The following NEK11 variants were observed in gnomAD, a reference collection of about 807,000 sequenced individuals.
NEK11 encodes serine/threonine-protein kinase Nek11.
A neutral mutation model predicts 80.7 loss-of-function variants in NEK11; 72 were observed. The ratio of observed to expected loss-of-function variants is 0.89; its 90% CI spans 0.74 to 1.08. NEK11 has a LOEUF of 1.08. NEK11 is among the 50% of genes least tolerant of loss of function. The probability of loss-of-function intolerance (pLI) is 0.00; values close to 1 mark genes in which losing one functional copy is unlikely to be tolerated. For synonymous variants in NEK11, 251 were observed against 260.7 expected, an observed-to-expected ratio of 0.96 and a Z score of 0.36; for missense variants, 764 against 763.6, an observed-to-expected ratio of 1.00 and a Z score of -0.01.
intron 14 of NEK11, chr3:131,174,848 C>G: frequency 6.3e-7 from 1 of 1,583,670 alleles, no homozygotes; most frequent in Non-Finnish European, 8.6e-7. Flanking sequence ...CTACAAGGAG[C>G]ATGACTCCCT....
At chr3:131,155,257 A>C (rs769114372) in intron 10 of NEK11, 136 bp downstream of exon 10, 11 of 617,688 alleles carry the variant, frequency 1.8e-5, no homozygotes, top group Admixed American at 5.8e-5. Context: ...GAAATTAAGG[A>C]GCTTCAGGAA....
rs371867979 is a variant in NEK11, at chr3:131,257,949, G to GTA, written c.1621+14466_1621+14467dup. ...TCAACCAATGAGTAAAGAAAATGTG[G>GTA]TATATATATATATACACCATGGAAC... On this transcript the variant is annotated intron_variant, in intron 16 of 17. Transcript: ENST00000383366. Among the ~76,000 whole-genome samples, 381 of 150,730 alleles carry GTA rather than the reference G, an allele frequency of 2.5e-3. 2 individuals carry two copies. Among genetic ancestry groups the GTA allele is most frequent in the Admixed American group, 5.5e-3 (83 of 15,078 alleles).
At chr3:131,116,823 G>T (rs1481053446) in intron 5 of NEK11, among the ~76,000 whole-genome samples, 2 of 152,130 alleles carry the variant, frequency 1.3e-5, no homozygotes, top group East Asian at 3.9e-4. Context: ...TGATGGGGTT[G>T]TTTGATTTTT....
chr3:131,332,291 G>A (rs896526101), intron 17 of NEK11, among the ~76,000 whole-genome samples: 22 of 152,370 alleles, frequency 1.4e-4, no homozygotes, highest in Admixed American at 3.9e-4. Context: ...CGATCAGACA[G>A]CAGCATTCGT....
chr3:131,176,096 A>G (rs1339599704), intron 14 of NEK11, among the ~76,000 whole-genome samples: 1 of 152,132 alleles, frequency 6.6e-6, no homozygotes, highest in African/African-American at 2.4e-5. Flanking sequence ...CTCTCTCTTC[A>G]GTCTTTATAG....
In NEK11 at chr3:131,162,610, A is replaced by G. The variant is rs2091764084; in HGVS notation, c.1082+83A>G. On this transcript the variant is annotated intron_variant, in intron 11 of 17. Coordinates refer to ENST00000383366, the MANE Select transcript of NEK11 (RefSeq NM_024800.5). ...GAATTTACAGAGAAAAGCAAAAACC[A>G]AAACAGGAAACCCCAATGCATACGA... is the stretch of plus-strand genomic sequence containing the variant. The G allele has an allele frequency of 3.9e-6, 6 of 1,532,000 alleles. No individual in the cohort carries two copies. The South Asian group carries it at 6.0e-5, about 15-fold the overall frequency. The allele number at this position is 1,532,000 out of a possible 1,614,324, so 94.9% of individuals were successfully genotyped here.
intron 15 of NEK11, among the ~76,000 whole-genome samples, chr3:131,238,505 G>A (rs1403464829): frequency 6.6e-6 from 1 of 152,190 alleles, no homozygotes; most frequent in Non-Finnish European, 1.5e-5. Flanking sequence ...AAAGAAGTAA[G>A]AGCAACTAGA....
At chr3:131,338,119 G>A (rs1016113709) in intron 17 of NEK11, among the ~76,000 whole-genome samples, 11 of 151,748 alleles carry the variant, frequency 7.2e-5, no homozygotes, top group African/African-American at 1.7e-4. Flanking sequence ...GGCACACGCC[G>A]CCATGCCCGG....
intron 17 of NEK11, chr3:131,328,763 C>G (rs1285726090): frequency 6.6e-6 from 1 of 152,210 alleles, no homozygotes; most frequent in Non-Finnish European, 1.5e-5. Flanking sequence ...ACATGTTAAA[C>G]GTTTTCTGCT....
intron 14 of NEK11, among the ~76,000 whole-genome samples, chr3:131,197,680 CA>C (rs1043981101): frequency 6.6e-6 from 1 of 151,952 alleles, no homozygotes; most frequent in African/African-American, 2.4e-5. Flanking sequence ...TAGCTGCAGG[CA>C]AAATATTTTT....
intron 2 of NEK11, among the ~76,000 whole-genome samples, chr3:131,028,706 C>G (rs530472046): frequency 2.6e-5 from 4 of 152,148 alleles, no homozygotes; most frequent in Non-Finnish European, 4.4e-5. Context: ...GGACTGCAGG[C>G]GCCCGCTACA....
chr3:131,117,975 T>C (rs1265463362), intron 5 of NEK11, among the ~76,000 whole-genome samples: 1 of 152,166 alleles, frequency 6.6e-6, no homozygotes, highest in Non-Finnish European at 1.5e-5. Flanking sequence ...TTCTTTCTCC[T>C]GCCTGATTCC....
chr3:131,316,446 A>C (rs1257088441), intron 17 of NEK11, among the ~76,000 whole-genome samples: 1 of 152,230 alleles, frequency 6.6e-6, no homozygotes, highest in Non-Finnish European at 1.5e-5. Flanking sequence ...CATCCTAGGC[A>C]TGACACAGAA....
intron 6 of NEK11, among the ~76,000 whole-genome samples, chr3:131,133,060 A>G (rs1475949821): frequency 6.6e-6 from 1 of 152,170 alleles, no homozygotes. Flanking sequence ...AATTTACCAC[A>G]TATTTGATAG....
At position 131,091,566 on chromosome 3, in the gene NEK11, T is replaced by C. The variant is rs922913672; in HGVS notation, c.336+10978T>C. On this transcript the variant is annotated intron_variant, in intron 4 of 17. Coordinates refer to ENST00000383366, the MANE Select transcript of NEK11 (RefSeq NM_024800.5). ...CAAGGTAACCCAGAAAACATAATTATGCTCATTCACAAAAAATAAAGAAGT... is the reference window on the plus strand; with the variant it reads ...CAAGGTAACCCAGAAAACATAATTACGCTCATTCACAAAAAATAAAGAAGT... Among the ~76,000 whole-genome samples the C allele has an allele frequency of 2.6e-5, 4 of 152,170 alleles. No homozygotes were observed. In the South Asian group the frequency reaches 8.3e-4, roughly 32 times the overall value.
In NEK11 at chr3:131,249,322, A is replaced by G. The variant is rs114418408; in HGVS notation, c.1621+5826A>G. Among the ~76,000 whole-genome samples the G allele has an allele frequency of 9.5e-3, 1,447 of 152,256 alleles. 32 individuals carry two copies. Among genetic ancestry groups the G allele is most frequent in the African/African-American group, 0.033 (1,359 of 41,574 alleles). On this transcript the variant is annotated intron_variant, in intron 16 of 17. Coordinates refer to ENST00000383366, the MANE Select transcript of NEK11 (RefSeq NM_024800.5). ...GAAGCAAGGCAACTGAACCTACAGA[A>G]TCTCATAAATGCTCAAGATTTGGAG...
intron 3 of NEK11, among the ~76,000 whole-genome samples, chr3:131,060,842 GT>G (rs1286611666): frequency 5.3e-5 from 8 of 152,236 alleles, no homozygotes; most frequent in South Asian, 4.1e-4. Context: ...AGCTTTCCTA[GT>G]ATGTAGTATG....
chr3:131,181,724 C>T (rs1321325801), intron 14 of NEK11, among the ~76,000 whole-genome samples: 58 of 119,740 alleles, frequency 4.8e-4, no homozygotes, highest in African/African-American at 1.8e-3. Context: ...TCAGCCTGGG[C>T]GACAGAGCGA....
At chr3:131,095,337 G>A (rs1053232521) in intron 4 of NEK11, among the ~76,000 whole-genome samples, 1 of 152,014 alleles carries the variant, frequency 6.6e-6, no homozygotes, top group African/African-American at 2.4e-5. Context: ...TGTTGTCAGA[G>A]TTCTTTCCAT....
Sources: allele counts gnomAD v4.1 joint callset (sites outside exome capture counted in the v4.1 genomes callset), GRCh38; gene constraint gnomAD v4.1.1; transcripts MANE v1.5; gene names NCBI Gene and HGNC (gene_info 2026-07-23, HGNC 2026-07-21).